Variants in PDGFRA observed in about 807,000 individuals in gnomAD.
PDGFRA encodes platelet-derived growth factor receptor alpha.
In PDGFRA, 25 loss-of-function variants were observed where a neutral mutation model predicts 121.5. The ratio of observed to expected loss-of-function variants is 0.21; its 90% confidence interval spans 0.15 to 0.29. The LOEUF is 0.29. Among genes scored for constraint, PDGFRA ranks in the 10% least tolerant of loss-of-function variants. PDGFRA has a pLI of 1.00. For missense variants in PDGFRA, 1,008 were observed against 1,345.1 expected (o/e 0.75, Z 3.92); for synonymous variants, 463 against 494.8 (o/e 0.94, Z 0.85).
At chr4:54,250,260 T>C (rs1721975931) in intron 1 of PDGFRA, among the ~76,000 whole-genome samples, 1 of 152,228 alleles carries the variant, frequency 6.6e-6, no homozygotes, top group Non-Finnish European at 1.5e-5. Flanking sequence ...TGCTTTATGG[T>C]GACCTGGGAT....
chr4:54,282,004 C>T (rs1198080735), intron 16 of PDGFRA: 2 of 1,034,074 alleles, frequency 1.9e-6, no homozygotes, highest in Non-Finnish European at 2.3e-6. Flanking sequence ...TGTATGTGTG[C>T]TCCATGTATT....
At chr4:54,245,983 G>C (rs866875576) in intron 1 of PDGFRA, among the ~76,000 whole-genome samples, 11 of 152,198 alleles carry the variant, frequency 7.2e-5, no homozygotes, top group South Asian at 2.1e-4. Flanking sequence ...TTACATAATG[G>C]TAAAGGGATC....
chr4:54,261,782 C>T (rs896448861), intron 3 of PDGFRA, among the ~76,000 whole-genome samples: 1 of 151,284 alleles, frequency 6.6e-6, no homozygotes, highest in Non-Finnish European at 1.5e-5. Context: ...CTTGGAGTTG[C>T]TGATAGTTCA....
At chr4:54,264,719 C>T in intron 4 of PDGFRA, 200 bp from the exon 5 acceptor site, 1 of 517,798 alleles carries the variant, frequency 1.9e-6, no homozygotes, top group Middle Eastern at 5.5e-4. Flanking sequence ...TTTTGTAATT[C>T]TGTATTATAA....
At position 54,276,333 on chromosome 4, in the gene PDGFRA, GAGTAATAGT is replaced by G. The variant is rs565442392; in HGVS notation, c.1787-1043_1787-1035del. On this transcript the variant is annotated intron_variant, in intron 12 of 22. Transcript: ENST00000257290. The stretch of plus-strand genomic sequence containing the variant: ...CCCCCAGTTTCAGAGACACTGATTC[GAGTAATAGT>G]AGTAATAGTAGAATAGGTCTCCCGT... 2.3e-4 allele frequency among the ~76,000 whole-genome samples: 34 copies of G among 149,282 alleles called. No homozygotes were observed. The East Asian group carries it at 6.0e-3, about 26-fold the overall frequency.
At chr4:54,243,221 A>C (rs1179799847) in intron 1 of PDGFRA, among the ~76,000 whole-genome samples, 1 of 152,304 alleles carries the variant, frequency 6.6e-6, no homozygotes, top group East Asian at 1.9e-4. Flanking sequence ...ACTTCTATGC[A>C]CTTCTGCCTG....
At position 54,285,437 on chromosome 4, in the gene PDGFRA, G is replaced by A. The variant is rs2110335816; in HGVS notation, c.2390G>A (p.Ser797Asn). 2 of 1,591,318 alleles carry A rather than the reference G, an allele frequency of 1.3e-6. No individual in the cohort carries two copies. Among genetic ancestry groups the A allele is most frequent in the Non-Finnish European group, 1.7e-6 (2 of 1,159,350 alleles). Residue 797 changes from serine to asparagine, a missense_variant, in exon 17 of 23, where the codon AGC becomes AAC. Ser to Asn is a conservative substitution (Grantham distance 46). Around this residue, in one of 5 missense-constraint regions of PDGFRA, gnomAD observed 128 missense variants for 147.6 expected, o/e 0.87. Transcript: ENST00000257290. ...GGCCTTACTTTATTGGATTTGTTGA[G>A]CTTCACCTATCAAGTTGCCCGAGGA... ...SEGLTLLDLL[S>N]FTYQVARGME...
intron 19 of PDGFRA, 93 bp downstream of exon 19, chr4:54,287,634 T>G: frequency 2.6e-6 from 2 of 763,474 alleles, no homozygotes. Context: ...TAGACAGTGT[T>G]AAGATAACCT....
At chr4:54,286,683 C>T (rs190500832) in intron 18 of PDGFRA, among the ~76,000 whole-genome samples, 13 of 152,218 alleles carry the variant, frequency 8.5e-5, no homozygotes, top group South Asian at 4.2e-4. Flanking sequence ...ATGTCAATTG[C>T]GTGTATGCAT....
intron 1 of PDGFRA, among the ~76,000 whole-genome samples, chr4:54,241,634 C>T (rs898036634): frequency 6.6e-6 from 1 of 152,004 alleles, no homozygotes; most frequent in African/African-American, 2.4e-5. Context: ...ACTGCAGCCT[C>T]CGCATCCTGG....
chr4:54,250,746 A>C (rs1374174054), intron 1 of PDGFRA, among the ~76,000 whole-genome samples: 1 of 152,154 alleles, frequency 6.6e-6, no homozygotes, highest in Non-Finnish European at 1.5e-5. Context: ...GGTACTCTAA[A>C]ATGCAAGCCT....
chr4:54,261,931 A>ATATATATATATATATTTTTT (rs57094735), intron 3 of PDGFRA, among the ~76,000 whole-genome samples: 1 of 58,424 alleles, frequency 1.7e-5, no homozygotes, highest in African/African-American at 6.7e-5. Context: ...ATATATATAT[A>ATATATATATATATATTTTTT]TTTTTTTTTT....
At chr4:54,286,318 A>ATTTT (rs1409106881) in intron 18 of PDGFRA, among the ~76,000 whole-genome samples, 196 of 134,972 alleles carry the variant, frequency 1.5e-3, no homozygotes, top group South Asian at 9.7e-3. Context: ...AATGTTAGCT[A>ATTTT]TTTTATTTAT....
chr4:54,279,591 T>A (rs1433789860), intron 15 of PDGFRA, among the ~76,000 whole-genome samples: 3 of 152,106 alleles, frequency 2.0e-5, no homozygotes, highest in Non-Finnish European at 4.4e-5. Context: ...GGGGAACAAG[T>A]GGTATTTGGT....
chr4:54,232,460 C>T (rs942601754), intron 1 of PDGFRA, among the ~76,000 whole-genome samples: 3 of 152,244 alleles, frequency 2.0e-5, no homozygotes, highest in Admixed American at 6.5e-5. Context: ...GGGGCGCCTC[C>T]TTCCCTGCCT....
At chr4:54,239,423 C>G (rs1721178635) in intron 1 of PDGFRA, among the ~76,000 whole-genome samples, 1 of 152,208 alleles carries the variant, frequency 6.6e-6, no homozygotes, top group Non-Finnish European at 1.5e-5. Flanking sequence ...GAATTCCTTC[C>G]TGCATGAAGC....
intron 9 of PDGFRA, among the ~76,000 whole-genome samples, chr4:54,272,812 C>T (rs1052837573): frequency 6.6e-6 from 1 of 152,142 alleles, no homozygotes; most frequent in Admixed American, 6.5e-5. Context: ...GTTTGGTAGT[C>T]GGACTGCATG....
chr4:54,272,338 C>G, intron 8 of PDGFRA, 56 bp from the exon 9 acceptor site: 3 of 1,598,094 alleles, frequency 1.9e-6, no homozygotes, highest in Non-Finnish European at 2.6e-6. Flanking sequence ...ACTTTGTAGT[C>G]TCATATGTTC....
intron 1 of PDGFRA, among the ~76,000 whole-genome samples, chr4:54,238,725 G>A (rs1320266276): frequency 6.6e-6 from 1 of 152,154 alleles, no homozygotes; most frequent in Non-Finnish European, 1.5e-5. Context: ...TAGTACTTTG[G>A]GAGGCCAAGG....
Sources: gnomAD v4.1 joint callset for allele counts (sites outside exome capture counted in the v4.1 genomes callset) on GRCh38, gnomAD v4.1.1 for gene constraint, gnomAD v4.1.1 regional missense constraint, MANE v1.5 for transcripts, NCBI Gene and HGNC (gene_info 2026-07-23, HGNC 2026-07-21) for gene names.